The following LIPM variants were observed in gnomAD, a reference collection of about 807,000 sequenced individuals.
LIPM encodes the protein lipase family member M.
Under a neutral mutation model 42.4 loss-of-function variants are expected in LIPM, and 42 were observed. That is an observed-to-expected ratio of 0.99 (90% CI 0.77 to 1.28). The LOEUF (loss-of-function observed/expected upper bound fraction) is 1.28. LIPM is among the 50% of genes most tolerant of loss of function. The pLI is 0.00. For missense variants in LIPM, 524 were observed against 520.1 expected (o/e 1.01, Z -0.07); for synonymous variants, 177 against 173.3 (o/e 1.02, Z -0.17).
Position 88,802,864 on chromosome 10 carries a change from T to C in LIPM, c.-33T>C, listed in dbSNP as rs1247915379. On this transcript the variant is annotated 5_prime_UTR_variant, in exon 1 of 9. Transcript: ENST00000404743. ...TCTTACTTTAGAATTAGTTGTTACA[T>C]TGGCAGGAAAAAATAAATGCAGATG... The C allele has an allele frequency of 5.3e-6, 8 of 1,516,606 alleles. No individual in the cohort carries two copies. Among genetic ancestry groups the C allele is most frequent in the Admixed American group, 4.8e-5 (2 of 42,086 alleles). 93.9% of individuals were successfully genotyped at this position (1,516,606 alleles called of 1,614,324 possible). A position where few individuals can be genotyped will look rare whatever the true frequency, so the allele number is the denominator to read the frequency against.
rs937646557 is a variant in LIPM at position 88,817,691 on chromosome 10, T to C, written c.931-134T>C. 13 of 605,766 alleles carry C rather than the reference T, an allele frequency of 2.1e-5. No individual in the cohort carries two copies. The East Asian group carries it at 2.3e-4, about 11-fold the overall frequency. The allele number at this position is 605,766 out of a possible 1,614,324, so 37.5% of individuals were successfully genotyped here. On this transcript the variant is annotated intron_variant, in intron 7 of 8. Transcript: ENST00000404743. The stretch of plus-strand genomic sequence containing the variant: ...TTTTCCTGAGACGCTTATCCCAACA[T>C]TGAATGGAAGAGCAGCTCAACCATT...
At chr10:88,805,836 G>A (rs532260510) in intron 1 of LIPM, 31 of 375,928 alleles carry the variant, frequency 8.2e-5, no homozygotes, top group South Asian at 1.6e-4. Context: ...CATCATCATC[G>A]CCTGTGGAAA....
chr10:88,820,504 C>T lies in LIPM; in HGVS notation c.*3C>T. 1 of 1,548,716 alleles carries T rather than the reference C, an allele frequency of 6.5e-7. No homozygotes were observed. Among genetic ancestry groups the T allele is most frequent in the Non-Finnish European group, 8.7e-7 (1 of 1,146,150 alleles). ...GACGGTGTGAGGCCGTATTGTGAAG[C>T]ATCTGACACTGACGATCTTAGGACA... On this transcript the variant is annotated 3_prime_UTR_variant, in exon 9 of 9. Coordinates refer to ENST00000404743, the MANE Select transcript of LIPM (RefSeq NM_001128215.1).
At position 88,820,264 on chromosome 10, in the gene LIPM, G is replaced by C; in HGVS notation, c.1035G>C (p.Met345Ile). 6.4e-7 allele frequency: 1 copy of C among 1,551,700 alleles called. No individual in the cohort carries two copies. Among genetic ancestry groups the C allele is most frequent in the Non-Finnish European group, 8.7e-7 (1 of 1,147,022 alleles). The stretch of plus-strand genomic sequence containing the variant: ...CTGTAAGGTACAGAGTCAGAGATAT[G>C]ACGGTCCCTACAGCAATGTGGACAG... Reference protein sequence around the residue: ...PTPVRYRVRDMTVPTAMWTGG... With the variant: ...PTPVRYRVRDITVPTAMWTGG... Residue 345 changes from methionine (M) to isoleucine (I), a missense_variant, in exon 9 of 9, where the codon ATG (methionine) becomes ATC (isoleucine). Coordinates refer to ENST00000404743, the MANE Select transcript of LIPM (RefSeq NM_001128215.1).
intron 1 of LIPM, among the ~76,000 whole-genome samples, chr10:88,805,451 T>C (rs930749834): frequency 2.6e-5 from 4 of 152,212 alleles, no homozygotes; most frequent in Admixed American, 6.5e-5. Context: ...CTTTTAAACA[T>C]TGACTTTTTT....
At chr10:88,805,844 AAAGG>A (rs1270470547) in intron 1 of LIPM, 3 of 389,178 alleles carry the variant, frequency 7.7e-6, no homozygotes, top group Non-Finnish European at 1.5e-5. Flanking sequence ...TCGCCTGTGG[AAAGG>A]AAGTAGAGAA....
At chr10:88,804,628 C>G (rs549611959) in intron 1 of LIPM, among the ~76,000 whole-genome samples, 1 of 152,014 alleles carries the variant, frequency 6.6e-6, no homozygotes, top group African/African-American at 2.4e-5. Flanking sequence ...TTAGTTGCCC[C>G]GGCTGCTCAT....
chr10:88,806,115 C>T (rs1191112085), intron 1 of LIPM: 1 of 410,832 alleles, frequency 2.4e-6, no homozygotes, highest in Middle Eastern at 3.9e-4. Context: ...GTTGACAGCA[C>T]TTCCAGTGGA....
chr10:88,804,294 C>T (rs1488822704), intron 1 of LIPM, among the ~76,000 whole-genome samples: 1 of 152,152 alleles, frequency 6.6e-6, no homozygotes. Flanking sequence ...CAGAGATGAT[C>T]TTCCTGGGCC....
chr10:88,805,100 G>C (rs1843570264), intron 1 of LIPM, among the ~76,000 whole-genome samples: 1 of 152,132 alleles, frequency 6.6e-6, no homozygotes, highest in African/African-American at 2.4e-5. Flanking sequence ...TTAAGCAAGT[G>C]TTTACTGAGC....
intron 8 of LIPM, 48 bp from the exon 9 acceptor site, chr10:88,820,184 T>G (rs757917704): frequency 6.9e-6 from 10 of 1,450,986 alleles, no homozygotes; most frequent in Non-Finnish European, 9.2e-6. Flanking sequence ...ATTATGAGCC[T>G]GAAAGTCCAA....
chr10:88,820,510 A>G lies in LIPM; in HGVS notation c.*9A>G. 6.5e-7 allele frequency: 1 copy of G among 1,547,452 alleles called. No individual in the cohort carries two copies. Among genetic ancestry groups the G allele is most frequent in the South Asian group, 1.2e-5 (1 of 83,762 alleles). On this transcript the variant is annotated 3_prime_UTR_variant, in exon 9 of 9. Transcript: ENST00000404743. ...GTGAGGCCGTATTGTGAAGCATCTG[A>G]CACTGACGATCTTAGGACAACCTCC...
intron 1 of LIPM, among the ~76,000 whole-genome samples, chr10:88,805,696 C>T (rs954316880): frequency 2.0e-5 from 3 of 152,020 alleles, no homozygotes; most frequent in Non-Finnish European, 4.4e-5. Flanking sequence ...TTTTAAATAC[C>T]CTTCTACAAC....
At chr10:88,803,636 TTTTGGTAGCTTTTCAAATTCTAAGCTGGG>T (rs1834791690) in intron 1 of LIPM, among the ~76,000 whole-genome samples, 1 of 151,272 alleles carries the variant, frequency 6.6e-6, no homozygotes, top group African/African-American at 2.4e-5. Flanking sequence ...TTTTTTTTTT[TTTTGGTAGCTTTTCAAATTCTAAGCTGGG>T]TTTTAGTAAT....
intron 2 of LIPM, among the ~76,000 whole-genome samples, chr10:88,808,919 T>C (rs1391922570): frequency 3.0e-5 from 1 of 32,862 alleles, no homozygotes; most frequent in Non-Finnish European, 6.2e-5. Flanking sequence ...ACATTTTATT[T>C]TATTTTATTT....
chr10:88,814,486 T>C (rs1843693703), intron 3 of LIPM, 44 bp from the exon 4 acceptor site: 2 of 1,389,002 alleles, frequency 1.4e-6, no homozygotes, highest in South Asian at 2.5e-5. Context: ...TTTGTTTGTT[T>C]CTGATTATAA....
At chr10:88,805,854 G>A (rs1182258688) in intron 1 of LIPM, 2 of 405,878 alleles carry the variant, frequency 4.9e-6, no homozygotes, top group Non-Finnish European at 9.9e-6. Context: ...AAAGGAAGTA[G>A]AGAATCAGGA....
At chr10:88,804,004 A>T (rs1415641081) in intron 1 of LIPM, among the ~76,000 whole-genome samples, 1 of 152,216 alleles carries the variant, frequency 6.6e-6, no homozygotes, top group Non-Finnish European at 1.5e-5. Context: ...TTTATCTAAC[A>T]AACTCTCAGA....
intron 2 of LIPM, among the ~76,000 whole-genome samples, chr10:88,811,097 A>T (rs1324144899): frequency 6.9e-6 from 1 of 145,584 alleles, no homozygotes; most frequent in East Asian, 2.1e-4. Context: ...GACTGTCAAG[A>T]TGCTGGATGA....
Sources: allele counts gnomAD v4.1 joint callset (sites outside exome capture counted in the v4.1 genomes callset), GRCh38; gene constraint gnomAD v4.1.1; transcripts MANE v1.5; gene names NCBI Gene and HGNC (gene_info 2026-07-23, HGNC 2026-07-21).